The following SMG6 variants were observed in gnomAD, a reference collection of about 807,000 sequenced individuals.
The protein encoded by SMG6 is telomerase-binding protein EST1A.
Under a neutral mutation model 142.2 loss-of-function variants are expected in SMG6, and 66 were observed. The ratio of observed to expected loss-of-function variants is 0.46; its 90% CI spans 0.38 to 0.57. SMG6 has a LOEUF of 0.57. SMG6 is among the 20% of genes least tolerant of loss of function. SMG6 has a pLI of 0.00. For synonymous variants in SMG6, 779 were observed against 702.4 expected (o/e 1.11, Z -1.72); for missense variants, 1,793 against 1,832.0 (o/e 0.98, Z 0.39).
chr17:2,168,030 G>A lies in SMG6; in HGVS notation c.3357+4628C>T, dbSNP rs113676905. Among the ~76,000 whole-genome samples, 862 of 152,062 alleles carry A rather than the reference G, an allele frequency of 5.7e-3. 2 individuals are homozygous for A. The highest frequency in any genetic ancestry group is 0.01 in the Middle Eastern group (3 of 294). On this transcript the variant is annotated intron_variant, in intron 13 of 18. Coordinates refer to ENST00000263073, the MANE Select transcript of SMG6 (RefSeq NM_017575.5). ...CTACAGGCGCTTGCCACCACACCTG[G>A]CTGTTTTTAAACTTGTTTGTAGGGA...
intron 13 of SMG6, among the ~76,000 whole-genome samples, chr17:2,105,719 G>A (rs2069138769): frequency 1.3e-5 from 2 of 152,114 alleles, no homozygotes; most frequent in African/African-American, 4.8e-5. Flanking sequence ...AATTTCTCAG[G>A]ATACCTGCCC....
chr17:2,087,294 G>A (rs1416600020), intron 13 of SMG6: 2 of 1,264,606 alleles, frequency 1.6e-6, no homozygotes, highest in Non-Finnish European at 2.0e-6. Context: ...CATGACCCAT[G>A]TTCTCTAAGA....
chr17:2,204,086 C>T (rs1011753293), intron 10 of SMG6, among the ~76,000 whole-genome samples: 2 of 152,140 alleles, frequency 1.3e-5, no homozygotes, highest in East Asian at 3.9e-4. Context: ...ACCTCAGCCT[C>T]TGAAGTAACT....
chr17:2,303,514 A>G, intron 1 of SMG6, 119 bp downstream of exon 1: 1 of 1,328,674 alleles, frequency 7.5e-7, no homozygotes, highest in Non-Finnish European at 9.6e-7. Flanking sequence ...CCCAGCGCCT[A>G]CTGCTGGGGG....
intron 2 of SMG6, among the ~76,000 whole-genome samples, chr17:2,298,394 A>G (rs1427317605): frequency 2.6e-5 from 4 of 152,200 alleles, no homozygotes; most frequent in Admixed American, 1.3e-4. Flanking sequence ...ATTTTTTCTT[A>G]AAGAAAAAGT....
chr17:2,227,125 G>A (rs1263518848), intron 10 of SMG6, among the ~76,000 whole-genome samples: 1 of 152,146 alleles, frequency 6.6e-6, no homozygotes, highest in East Asian at 1.9e-4. Flanking sequence ...CACTGCTGGA[G>A]GGAATATAAA....
intron 13 of SMG6, among the ~76,000 whole-genome samples, chr17:2,154,142 G>A (rs888641112): frequency 1.4e-5 from 2 of 140,982 alleles, no homozygotes; most frequent in Non-Finnish European, 3.0e-5. Context: ...TGTAGAGTGT[G>A]ACGGTGACTG....
chr17:2,239,589 T>G (rs984027449), intron 9 of SMG6, among the ~76,000 whole-genome samples: 1 of 152,080 alleles, frequency 6.6e-6, no homozygotes, highest in Non-Finnish European at 1.5e-5. Flanking sequence ...ATGTGATATG[T>G]AGGAAAAAAA....
intron 13 of SMG6, among the ~76,000 whole-genome samples, chr17:2,126,091 G>A (rs1300708508): frequency 1.3e-5 from 2 of 152,116 alleles, no homozygotes; most frequent in African/African-American, 4.8e-5. Flanking sequence ...TCAAAACGGT[G>A]TGGTACTGGC....
chr17:2,181,454 CAG>C (rs1181452809), intron 12 of SMG6, among the ~76,000 whole-genome samples: 1 of 152,192 alleles, frequency 6.6e-6, no homozygotes, highest in Non-Finnish European at 1.5e-5. Context: ...ATCCTAACTG[CAG>C]AGAGAGAAAG....
intron 8 of SMG6, among the ~76,000 whole-genome samples, chr17:2,246,277 G>C (rs1029827697): frequency 2.0e-4 from 30 of 152,146 alleles, no homozygotes; most frequent in African/African-American, 7.2e-4. Flanking sequence ...GTATATTCAG[G>C]GCTCTGTAGC....
chr17:2,280,910 T>C (rs753358674), intron 8 of SMG6, among the ~76,000 whole-genome samples: 1 of 152,220 alleles, frequency 6.6e-6, no homozygotes, highest in Middle Eastern at 3.4e-3. Context: ...CAAGTCTCCA[T>C]CGCTACAAAA....
chr17:2,097,228 C>G (rs1041087927), intron 13 of SMG6, among the ~76,000 whole-genome samples: 2 of 151,870 alleles, frequency 1.3e-5, no homozygotes, highest in African/African-American at 4.8e-5. Flanking sequence ...AATCACGGCT[C>G]ACTACAGCCT....
intron 13 of SMG6, among the ~76,000 whole-genome samples, chr17:2,145,746 C>CA (rs2070650431): frequency 1.4e-5 from 2 of 139,648 alleles, no homozygotes; most frequent in South Asian, 2.3e-4. Context: ...AAAGAAAAAA[C>CA]AAAAAACAAG....
In SMG6 at chr17:2,061,346, C is replaced by A. The variant is rs969296366; in HGVS notation, c.*146G>T. 1 of 794,110 alleles carries A rather than the reference C, an allele frequency of 1.3e-6. No individual in the cohort carries two copies. The highest frequency in any genetic ancestry group is 2.0e-6 in the Non-Finnish European group (1 of 510,376). The allele number at this position is 794,110 out of a possible 1,614,324, so 49.2% of individuals were successfully genotyped here. ...TCTGTGAGGAGCAGGTCCCCCACAG[C>A]ATGGCCGTGGCGTGGGTTGGAAGAG... is the stretch of plus-strand genomic sequence containing the variant. On this transcript the variant is annotated 3_prime_UTR_variant, in exon 19 of 19. Transcript: ENST00000263073.
chr17:2,211,818 G>T (rs964686848), intron 10 of SMG6, among the ~76,000 whole-genome samples: 24 of 152,044 alleles, frequency 1.6e-4, no homozygotes, highest in Admixed American at 1.5e-3. Flanking sequence ...CTGACTCACT[G>T]ACCTTCCCTG....
chr17:2,100,238 A>G (rs1007628347), intron 13 of SMG6, among the ~76,000 whole-genome samples: 2 of 152,142 alleles, frequency 1.3e-5, no homozygotes, highest in African/African-American at 4.8e-5. Flanking sequence ...AGGTTTTGCC[A>G]TGTTGGCCAG....
At chr17:2,147,736 C>T (rs539729640) in intron 13 of SMG6, among the ~76,000 whole-genome samples, 7 of 152,046 alleles carry the variant, frequency 4.6e-5, no homozygotes, top group Non-Finnish European at 8.8e-5. Flanking sequence ...AAATCAAAAC[C>T]ACAGTGCAAT....
chr17:2,246,645 C>G (rs992246943), intron 8 of SMG6, among the ~76,000 whole-genome samples: 2 of 152,160 alleles, frequency 1.3e-5, no homozygotes, highest in African/African-American at 2.4e-5. Context: ...ACACTGGGTT[C>G]CATCAACAGA....
Sources: allele counts gnomAD v4.1 joint callset (sites outside exome capture counted in the v4.1 genomes callset), GRCh38; gene constraint gnomAD v4.1.1; transcripts MANE v1.5; gene names NCBI Gene and HGNC (gene_info 2026-07-23, HGNC 2026-07-21).